MYRIP: variants seen among roughly 807,000 people sequenced by gnomAD.
MYRIP encodes the protein myosin VIIA and Rab interacting protein, also known as rab effector MyRIP.
A neutral mutation model predicts 98.0 loss-of-function variants in MYRIP; 49 were observed. The observed-to-expected ratio is 0.50, with a 90% CI of 0.40 to 0.63. The LOEUF is 0.63. Among genes scored for constraint, MYRIP ranks in the 30% least tolerant of loss-of-function variants. The pLI is 0.00. For synonymous variants in MYRIP, 404 were observed against 409.5 expected, an observed-to-expected ratio of 0.99 and a Z score of 0.16; for missense variants, 1,004 against 1,058.2, an observed-to-expected ratio of 0.95 and a Z score of 0.71.
At chr3:40,156,998 G>A (rs1459481126) in intron 4 of MYRIP, among the ~76,000 whole-genome samples, 1 of 151,442 alleles carries the variant, frequency 6.6e-6, no homozygotes, top group Non-Finnish European at 1.5e-5. Flanking sequence ...CCTTCTCCTG[G>A]CTAATTGCTC....
rs546736594 is a variant in MYRIP at position 40,162,591 on chromosome 3, G to A, written c.470-139G>A. 132 of 648,578 alleles carry A rather than the reference G, an allele frequency of 2.0e-4. No homozygotes were observed. The African/African-American group carries it at 2.2e-3, about 11-fold the overall frequency. 40.2% of individuals were successfully genotyped at this position (648,578 alleles called of 1,614,324 possible). A position where few individuals can be genotyped will look rare whatever the true frequency, so the allele number is the denominator to read the frequency against. ...TGTTAGCATTATTGTGGGACCTCAT[G>A]AGTCCCTAAACCTATTTGCAAGGCT... On this transcript the variant is annotated intron_variant, in intron 4 of 16. Coordinates refer to ENST00000302541, the MANE Select transcript of MYRIP (RefSeq NM_015460.4).
Position 39,968,707 on chromosome 3 carries a change from G to C in MYRIP, c.110+67781G>C, listed in dbSNP as rs143371089. Among the ~76,000 whole-genome samples the C allele has an allele frequency of 2.3e-3, 347 of 152,236 alleles. 3 individuals carry two copies. Among genetic ancestry groups the C allele is most frequent in the African/African-American group, 8.1e-3 (336 of 41,534 alleles). On this transcript the variant is annotated intron_variant, in intron 2 of 16. Transcript: ENST00000302541. Reference sequence around the variant, plus strand: ...ATACCTGTTTTTGTACCAGTACCATGCTGTTTTGGTTACCAAAGCCTTGTA... The same window carrying C: ...ATACCTGTTTTTGTACCAGTACCATCCTGTTTTGGTTACCAAAGCCTTGTA...
chr3:39,921,716 AC>A (rs1293395903), intron 2 of MYRIP, among the ~76,000 whole-genome samples: 1 of 151,998 alleles, frequency 6.6e-6, no homozygotes, highest in Non-Finnish European at 1.5e-5. Flanking sequence ...CCCCGTCTCT[AC>A]TAAAAATACA....
chr3:39,988,072 A>G (rs1946077056), intron 2 of MYRIP, among the ~76,000 whole-genome samples: 1 of 152,118 alleles, frequency 6.6e-6, no homozygotes, highest in African/African-American at 2.4e-5. Flanking sequence ...AAAAAACCAA[A>G]CACCGCATAT....
intron 1 of MYRIP, among the ~76,000 whole-genome samples, chr3:39,871,298 C>T (rs891656779): frequency 6.6e-6 from 1 of 152,172 alleles, no homozygotes; most frequent in East Asian, 1.9e-4. Flanking sequence ...ATTTGGAATG[C>T]CAGTCACTTA....
At chr3:40,027,475 G>A (rs1947160514) in intron 2 of MYRIP, among the ~76,000 whole-genome samples, 1 of 151,942 alleles carries the variant, frequency 6.6e-6, no homozygotes, top group Admixed American at 6.6e-5. Context: ...GTTCTGTCTG[G>A]GATGCTGTGT....
intron 3 of MYRIP, among the ~76,000 whole-genome samples, chr3:40,133,438 C>T (rs761586402): frequency 5.3e-5 from 8 of 152,318 alleles, no homozygotes; most frequent in South Asian, 2.1e-4. Flanking sequence ...GGATGCTTAA[C>T]TTAGCAGCAC....
intron 2 of MYRIP, among the ~76,000 whole-genome samples, chr3:40,026,622 C>T (rs1345662285): frequency 1.3e-5 from 2 of 152,154 alleles, no homozygotes; most frequent in African/African-American, 2.4e-5. Flanking sequence ...CAGCCAGTCC[C>T]TCCATTCAGG....
At chr3:39,990,755 G>T (rs1489197928) in intron 2 of MYRIP, among the ~76,000 whole-genome samples, 2 of 152,148 alleles carry the variant, frequency 1.3e-5, no homozygotes, top group Non-Finnish European at 2.9e-5. Context: ...CTAAGTGCAG[G>T]GCTGCCCTCT....
intron 3 of MYRIP, among the ~76,000 whole-genome samples, chr3:40,089,550 T>C (rs1321107722): frequency 6.6e-6 from 1 of 152,192 alleles, no homozygotes; most frequent in Non-Finnish European, 1.5e-5. Context: ...AGATAGGCTG[T>C]GCCTAAATGC....
chr3:39,814,900 CTA>C (rs1339432383), intron 1 of MYRIP, among the ~76,000 whole-genome samples: 1 of 152,136 alleles, frequency 6.6e-6, no homozygotes, highest in Non-Finnish European at 1.5e-5. Flanking sequence ...TGGCCTATCT[CTA>C]TACATTATTT....
chr3:40,130,718 A>ATATATG (rs540297506), intron 3 of MYRIP, among the ~76,000 whole-genome samples: 4 of 150,608 alleles, frequency 2.7e-5, no homozygotes, highest in African/African-American at 7.3e-5. Context: ...ATATATATAT[A>ATATATG]TGTGTGTGTG....
rs1238263812 is a variant in MYRIP at position 39,973,454 on chromosome 3, G to T, written c.111-70596G>T. 2.6e-5 allele frequency among the ~76,000 whole-genome samples: 4 copies of T among 152,104 alleles called. No homozygotes were observed. The East Asian group carries it at 5.8e-4, about 22-fold the overall frequency. On this transcript the variant is annotated intron_variant, in intron 2 of 16. Coordinates refer to ENST00000302541, the MANE Select transcript of MYRIP (RefSeq NM_015460.4). ...TTAGACTCCCACACAATAATAATGG[G>T]AGACTTTAACACCCCACTGTCAACA...
chr3:40,172,276 A>T (rs992973836), intron 8 of MYRIP, among the ~76,000 whole-genome samples: 1 of 152,170 alleles, frequency 6.6e-6, no homozygotes, highest in African/African-American at 2.4e-5. Flanking sequence ...GAGGGGAGGG[A>T]GTGCTGGGGA....
At chr3:40,156,839 A>G (rs1262448969) in intron 4 of MYRIP, among the ~76,000 whole-genome samples, 4 of 152,060 alleles carry the variant, frequency 2.6e-5, no homozygotes, top group Admixed American at 6.5e-5. Flanking sequence ...TTGTACATTG[A>G]TTTTGTATCC....
At chr3:40,198,224 G>A (rs1036063644) in intron 10 of MYRIP, among the ~76,000 whole-genome samples, 4 of 152,152 alleles carry the variant, frequency 2.6e-5, no homozygotes, top group African/African-American at 9.7e-5. Context: ...ACCGAGGGCA[G>A]TTGGAAGTGA....
intron 10 of MYRIP, among the ~76,000 whole-genome samples, chr3:40,205,623 A>C (rs1951770909): frequency 6.6e-6 from 1 of 152,102 alleles, no homozygotes; most frequent in African/African-American, 2.4e-5. Flanking sequence ...TTTGCCCATA[A>C]GGAATTTCAT....
chr3:40,153,832 G>A (rs1274915117), intron 4 of MYRIP, among the ~76,000 whole-genome samples: 1 of 152,152 alleles, frequency 6.6e-6, no homozygotes, highest in Non-Finnish European at 1.5e-5. Context: ...GCGGATCACT[G>A]TAGTTTGCCA....
At chr3:40,107,928 T>C (rs1949080402) in intron 3 of MYRIP, among the ~76,000 whole-genome samples, 1 of 152,202 alleles carries the variant, frequency 6.6e-6, no homozygotes, top group South Asian at 2.1e-4. Flanking sequence ...CCCAAGTTAA[T>C]TGGGAGTCAT....
Sources: gnomAD v4.1 joint callset for allele counts (sites outside exome capture counted in the v4.1 genomes callset) on GRCh38, gnomAD v4.1.1 for gene constraint, MANE v1.5 for transcripts, NCBI Gene and HGNC (gene_info 2026-07-23, HGNC 2026-07-21) for gene names.